The following ACSM3 variants were observed in gnomAD, a reference collection of about 807,000 sequenced individuals.
ACSM3 encodes acyl-coenzyme A synthetase ACSM3, mitochondrial.
ACSM3 carries 61 observed loss-of-function variants against 74.1 expected under a neutral mutation model. The observed-to-expected ratio is 0.82, with a 90% CI of 0.67 to 1.02. The LOEUF (loss-of-function observed/expected upper bound fraction) is 1.02. Ranked by LOEUF, ACSM3 falls within the 50% of genes least tolerant of loss-of-function variation. The pLI is 0.00. For missense variants in ACSM3, 660 were observed against 697.0 expected, an observed-to-expected ratio of 0.95 and a Z score of 0.60; for synonymous variants, 213 against 241.5, an observed-to-expected ratio of 0.88 and a Z score of 1.09.
intron 1 of ACSM3, among the ~76,000 whole-genome samples, chr16:20,722,559 T>C (rs1010247098): frequency 2.0e-5 from 3 of 152,198 alleles, no homozygotes; most frequent in Admixed American, 6.5e-5. Flanking sequence ...AAAGTGCTGA[T>C]TTCTGCATTT....
rs536745885 is a variant in ACSM3, at chr16:20,770,318, A to G, written c.219+65A>G. 1.4e-4 allele frequency: 194 copies of G among 1,352,834 alleles called. No individual in the cohort carries two copies. In the African/African-American group the frequency reaches 2.5e-3, roughly 17 times the overall value. The allele number at this position is 1,352,834 out of a possible 1,614,324, so 83.8% of individuals were successfully genotyped here. A position where few individuals can be genotyped will look rare whatever the true frequency, so the allele number is the denominator to read the frequency against. ...GGGAGTGATTTTACCCCTAGGTAAC[A>G]TCTCTAATGTCTAGAAATATTTTTG... On this transcript the variant is annotated intron_variant, in intron 2 of 13. Transcript: ENST00000289416.
chr16:20,743,277 T>C (rs559996455), intron 1 of ACSM3, among the ~76,000 whole-genome samples: 1 of 152,048 alleles, frequency 6.6e-6, no homozygotes, highest in Non-Finnish European at 1.5e-5. Context: ...ATTTCCCACA[T>C]AGAACAGTTA....
chr16:20,737,299 C>T (rs774711844), intron 1 of ACSM3: 2 of 1,592,658 alleles, frequency 1.3e-6, no homozygotes, highest in Non-Finnish European at 1.7e-6. Context: ...GTAACAAAAA[C>T]AGAAAAACAC....
At chr16:20,743,185 G>A (rs1045435360) in intron 1 of ACSM3, among the ~76,000 whole-genome samples, 9 of 151,918 alleles carry the variant, frequency 5.9e-5, no homozygotes, top group South Asian at 2.1e-4. Context: ...TGATCCACCC[G>A]CCTCGGCCTC....
intron 1 of ACSM3, chr16:20,741,634 G>T (rs1430630376): frequency 1.3e-6 from 2 of 1,577,920 alleles, no homozygotes; most frequent in Non-Finnish European, 1.7e-6. Flanking sequence ...AGCTGACGGG[G>T]CCCGCCAGCG....
At chr16:20,720,062 T>C (rs1019481347) in intron 1 of ACSM3, among the ~76,000 whole-genome samples, 1 of 152,198 alleles carries the variant, frequency 6.6e-6, no homozygotes, top group Non-Finnish European at 1.5e-5. Context: ...CCTGTTATTT[T>C]GCTAACTGGC....
chr16:20,749,260 T>G (rs1334342939), intron 1 of ACSM3: 2 of 152,150 alleles, frequency 1.3e-5, no homozygotes, highest in Non-Finnish European at 2.9e-5. Flanking sequence ...ATTTCCCAAC[T>G]AAAGCCCAAA....
chr16:20,770,716 G>T (rs1186229534), intron 2 of ACSM3, among the ~76,000 whole-genome samples: 2 of 152,080 alleles, frequency 1.3e-5, no homozygotes, highest in Non-Finnish European at 2.9e-5. Flanking sequence ...CCAACGTCTA[G>T]AAATAAGGAC....
intron 1 of ACSM3, chr16:20,738,768 T>G: frequency 9.6e-7 from 1 of 1,046,766 alleles, no homozygotes; most frequent in Non-Finnish European, 1.4e-6. Flanking sequence ...GCTAATACAG[T>G]GTACAGAAGC....
intron 1 of ACSM3, chr16:20,736,326 T>C (rs2079868430): frequency 6.6e-6 from 1 of 151,546 alleles, no homozygotes; most frequent in South Asian, 2.1e-4. Context: ...CTCTCACATC[T>C]TGCCTTCCAA....
chr16:20,718,019 A>AGAAGAAGAG (rs2079771458), intron 1 of ACSM3, among the ~76,000 whole-genome samples: 1 of 149,046 alleles, frequency 6.7e-6, no homozygotes, highest in South Asian at 2.1e-4. Context: ...AAGAAGAAGA[A>AGAAGAAGAG]GAAGAAGAAA....
rs1477758010 is a variant in ACSM3 at position 20,777,570 on chromosome 16, G to A, written c.628G>A (p.Glu210Lys). Residue 210 changes from glutamate to lysine, a missense_variant, in exon 4 of 14, where the codon GAG becomes AAG. Coordinates refer to ENST00000289416, the MANE Select transcript of ACSM3 (RefSeq NM_005622.4). ...CAGAGAGGGGTGGGGGAACCTCAAG[G>A]AGTTGATGAAGTGAGTAGCCACACT... Reference protein sequence around the residue: ...NSREGWGNLKELMKHASDSHT... With the variant: ...NSREGWGNLKKLMKHASDSHT... 3 of 1,613,708 alleles carry A rather than the reference G, an allele frequency of 1.9e-6. No homozygotes were observed. The highest frequency in any genetic ancestry group is 2.5e-6 in the Non-Finnish European group (3 of 1,179,752).
chr16:20,707,778 G>A (rs2079732028), intron 1 of ACSM3, among the ~76,000 whole-genome samples: 1 of 152,066 alleles, frequency 6.6e-6, no homozygotes, highest in Admixed American at 6.6e-5. Context: ...TCTAAGGCCT[G>A]GAAGAAGTAT....
At chr16:20,731,714 A>C in intron 1 of ACSM3, 1 of 394,542 alleles carries the variant, frequency 2.5e-6, no homozygotes, top group Non-Finnish European at 4.5e-6. Flanking sequence ...AAAAAAATCA[A>C]CTGCACCTTA....
At chr16:20,776,788 C>T (rs1353536555) in intron 3 of ACSM3, among the ~76,000 whole-genome samples, 1 of 152,168 alleles carries the variant, frequency 6.6e-6, no homozygotes, top group Non-Finnish European at 1.5e-5. Context: ...TATACTTCAT[C>T]TTACAGTGTA....
At chr16:20,727,913 C>T (rs1217231348) in intron 1 of ACSM3, among the ~76,000 whole-genome samples, 1 of 152,192 alleles carries the variant, frequency 6.6e-6, no homozygotes, top group Non-Finnish European at 1.5e-5. Flanking sequence ...TTGGACTCCA[C>T]TCCACACCTA....
At position 20,774,328 on chromosome 16, in the gene ACSM3, G is replaced by A. The variant is rs1418919849; in HGVS notation, c.220-1511G>A. On this transcript the variant is annotated intron_variant, in intron 2 of 13. Coordinates refer to ENST00000289416, the MANE Select transcript of ACSM3 (RefSeq NM_005622.4). ...ACGATCTCAGCTCACTGCAACCTCC[G>A]CCTCCCGGGTTCAAGCGATTCTCCT... Among the ~76,000 whole-genome samples the A allele has an allele frequency of 5.0e-5, 7 of 138,778 alleles. No individual in the cohort carries two copies. The East Asian group carries it at 1.4e-3, about 29-fold the overall frequency. The allele number at this position is 138,778 out of a possible 152,430, so 91.0% of individuals were successfully genotyped here.
intron 10 of ACSM3, among the ~76,000 whole-genome samples, chr16:20,791,738 C>T (rs2080602453): frequency 6.6e-6 from 1 of 152,014 alleles, no homozygotes; most frequent in South Asian, 2.1e-4. Flanking sequence ...ACCAGCCTGG[C>T]CAACATGGGG....
intron 1 of ACSM3, among the ~76,000 whole-genome samples, chr16:20,698,035 A>C (rs1312280028): frequency 1.3e-5 from 2 of 152,000 alleles, no homozygotes; most frequent in Non-Finnish European, 2.9e-5. Context: ...TCTACTAAAA[A>C]TACAAAAAAT....
Sources: gnomAD v4.1 joint callset for allele counts (sites outside exome capture counted in the v4.1 genomes callset) on GRCh38, gnomAD v4.1.1 for gene constraint, MANE v1.5 for transcripts, NCBI Gene and HGNC (gene_info 2026-07-23, HGNC 2026-07-21) for gene names.